Variants in MS4A18 observed in about 807,000 individuals in gnomAD.
The protein encoded by MS4A18 is membrane spanning 4-domains A18.
Under a neutral mutation model 13.1 loss-of-function variants are expected in MS4A18, and 27 were observed. That is an observed-to-expected ratio of 2.06 (90% CI 1.52 to 2.84). The LOEUF is 2.84. Among genes scored for constraint, MS4A18 ranks in the 30% most tolerant of loss-of-function variants. MS4A18 has a pLI of 0.00. For synonymous variants in MS4A18, 126 were observed against 76.5 expected (o/e 1.65, Z -3.38); for missense variants, 307 against 196.4 (o/e 1.56, Z -3.37).
At chr11:60,725,245 G>A (rs1853132817), upstream of MS4A18, among the ~76,000 whole-genome samples, 1 of 152,180 alleles carries the variant, frequency 6.6e-6, no homozygotes. Flanking sequence ...CCAGGCTGGA[G>A]TGCAGTGGCG....
At chr11:60,732,657 G>A (rs113022983) in intron 1 of MS4A18, among the ~76,000 whole-genome samples, 2,078 of 151,280 alleles carry the variant, frequency 0.014, 17 homozygotes, top group Non-Finnish European at 0.023. Context: ...CGTGAACCTG[G>A]GAGGCACAGC....
intron 1 of MS4A18, among the ~76,000 whole-genome samples, chr11:60,730,203 G>A (rs1853232438): frequency 6.6e-6 from 1 of 152,186 alleles, no homozygotes; most frequent in Non-Finnish European, 1.5e-5. Context: ...AGAATAAGAA[G>A]ATTCAGCTTT....
chr11:60,733,440 G>A (rs1399488734), intron 1 of MS4A18, 94 bp from the exon 3 acceptor site: 2 of 693,074 alleles, frequency 2.9e-6, no homozygotes, highest in African/African-American at 3.5e-5. Context: ...TCACCCCTGG[G>A]GTGATTCTGG....
At position 60,729,705 on chromosome 11, in the gene MS4A18, A is replaced by G. The variant is rs1438706169; in HGVS notation, c.390A>G (p.Ser130=). ...CTGGGCTGACACACACCTCAAACTC[A>G]TCCCAGTGGAACACGTCATTTGCAT... The change falls in exon 1 of 6, where the codon TCA becomes TCG. Residue 130 remains serine (S), a synonymous_variant. Coordinates refer to ENST00000529108, the Ensembl canonical transcript of MS4A18. 2.7e-5 allele frequency: 19 copies of G among 702,724 alleles called. No individual in the cohort carries two copies. The East Asian group carries it at 5.1e-4, about 19-fold the overall frequency. 43.5% of individuals were successfully genotyped at this position (702,724 alleles called of 1,614,324 possible).
chr11:60,740,794 C>T (rs1030065388), intron 4 of MS4A18, among the ~76,000 whole-genome samples: 2 of 152,126 alleles, frequency 1.3e-5, no homozygotes, highest in East Asian at 3.9e-4. Flanking sequence ...GCTTCAGAGG[C>T]CAGAGAGAGC....
chr11:60,725,257 G>T (rs370264329), upstream of MS4A18, among the ~76,000 whole-genome samples: 2 of 152,110 alleles, frequency 1.3e-5, no homozygotes, highest in African/African-American at 4.8e-5. Flanking sequence ...GCAGTGGCGC[G>T]ATCTCGGCTC....
chr11:60,729,162 G>C (rs188042066), upstream of MS4A18: 2 of 600,226 alleles, frequency 3.3e-6, no homozygotes, highest in East Asian at 2.8e-5. Flanking sequence ...TTCTTGCCAA[G>C]AAAGGCAAGA....
exon 4 of MS4A18, chr11:60,738,961 C>T: frequency 1.4e-6 from 1 of 703,234 alleles, no homozygotes; most frequent in Non-Finnish European, 2.6e-6. Flanking sequence ...CCGGGATCTT[C>T]ATTATCATTA....
upstream of MS4A18, among the ~76,000 whole-genome samples, chr11:60,727,039 G>T (rs1042090345): frequency 2.0e-5 from 3 of 151,914 alleles, no homozygotes; most frequent in Non-Finnish European, 2.9e-5. Flanking sequence ...GTGTTAGTTT[G>T]CTGAGAATGA....
chr11:60,736,434 A>G (rs150803127), intron 2 of MS4A18, among the ~76,000 whole-genome samples: 90 of 151,978 alleles, frequency 5.9e-4, no homozygotes, highest in Non-Finnish European at 1.2e-3. Flanking sequence ...ACTGCTTCTG[A>G]TGTTCATGTT....
chr11:60,742,454 G>C (rs1462621727), intron 5 of MS4A18, among the ~76,000 whole-genome samples: 7 of 152,148 alleles, frequency 4.6e-5, no homozygotes, highest in Non-Finnish European at 7.3e-5. Flanking sequence ...TCTGATAAAA[G>C]CCACACCTAA....
chr11:60,726,788 C>T (rs2134671173), upstream of MS4A18, among the ~76,000 whole-genome samples: 1 of 113,300 alleles, frequency 8.8e-6, no homozygotes, highest in African/African-American at 3.5e-5. Flanking sequence ...ACTCTAAGTT[C>T]TGGGATACAT....
At chr11:60,726,063 G>T (rs1853157610), upstream of MS4A18, among the ~76,000 whole-genome samples, 1 of 152,164 alleles carries the variant, frequency 6.6e-6, no homozygotes, top group South Asian at 2.1e-4. Flanking sequence ...CATTTCTTCT[G>T]GGAAATGAAA....
At chr11:60,727,749 T>C (rs569513550), upstream of MS4A18, among the ~76,000 whole-genome samples, 3 of 152,314 alleles carry the variant, frequency 2.0e-5, no homozygotes, top group Admixed American at 6.5e-5. Flanking sequence ...ACAAGTAAAG[T>C]ACACTAGTAA....
At chr11:60,736,752 T>C (rs1357913033) in intron 2 of MS4A18, among the ~76,000 whole-genome samples, 1 of 152,178 alleles carries the variant, frequency 6.6e-6, no homozygotes, top group East Asian at 1.9e-4. Context: ...GAAAGGAAGG[T>C]GTTAGCCTAG....
chr11:60,729,166 G>A (rs1853211193), upstream of MS4A18: 1 of 601,118 alleles, frequency 1.7e-6, no homozygotes, highest in Non-Finnish European at 3.0e-6. Flanking sequence ...TGCCAAGAAA[G>A]GCAAGAAGTT....
At chr11:60,734,497 C>T (rs1853306724) in intron 2 of MS4A18, among the ~76,000 whole-genome samples, 1 of 152,144 alleles carries the variant, frequency 6.6e-6, no homozygotes, top group Non-Finnish European at 1.5e-5. Context: ...CCTCATAAGG[C>T]AGATGTTAAT....
chr11:60,737,456 G>C (rs1430329552), intron 3 of MS4A18, among the ~76,000 whole-genome samples: 1 of 152,220 alleles, frequency 6.6e-6, no homozygotes, highest in Non-Finnish European at 1.5e-5. Context: ...GAAAATGTGT[G>C]TGCATCTCGG....
chr11:60,735,817 C>T (rs1207023491), intron 2 of MS4A18, among the ~76,000 whole-genome samples: 2 of 151,434 alleles, frequency 1.3e-5, no homozygotes, highest in Admixed American at 1.3e-4. Context: ...GCGTGCACCA[C>T]CACTCCCAGC....
Sources: gnomAD v4.1 joint callset for allele counts (sites outside exome capture counted in the v4.1 genomes callset) on GRCh38, gnomAD v4.1.1 for gene constraint, MANE v1.5 for transcripts, NCBI Gene and HGNC (gene_info 2026-07-23, HGNC 2026-07-21) for gene names.